Variants in EIF4G3 observed in about 807,000 individuals in gnomAD.
The protein encoded by EIF4G3 is eukaryotic translation initiation factor 4 gamma 3, also known as eIF-4-gamma 3.
In EIF4G3, 34 loss-of-function variants were observed where a neutral mutation model predicts 186.4. The ratio of observed to expected loss-of-function variants is 0.18; its 90% CI spans 0.14 to 0.24. The LOEUF (loss-of-function observed/expected upper bound fraction) is 0.24. Ranked by LOEUF, EIF4G3 falls within the 10% of genes least tolerant of loss-of-function variation. EIF4G3 has a pLI of 1.00. For missense variants in EIF4G3, 1,536 were observed against 1,948.5 expected (o/e 0.79, Z 3.99); for synonymous variants, 673 against 679.5 (o/e 0.99, Z 0.15).
rs550549420 is a variant in EIF4G3 at position 21,087,782 on chromosome 1, C to T, written c.-196+1356G>A. ...CTGAGTAGCTGGGACTACAGGCGCC[C>T]GCCACCATGTCCGGCTAATTTTTTC... is the stretch of plus-strand genomic sequence containing the variant. On this transcript the variant is annotated intron_variant, in intron 3 of 36. Transcript: ENST00000602326. 1.5e-4 allele frequency among the ~76,000 whole-genome samples: 23 copies of T among 152,216 alleles called. No individual in the cohort carries two copies. The South Asian group carries it at 2.7e-3, about 18-fold the overall frequency.
At position 21,176,812 on chromosome 1, in the gene EIF4G3, G is replaced by C; in HGVS notation, c.-546C>G. The C allele has an allele frequency of 4.3e-6, 3 of 701,866 alleles. No homozygotes were observed. Among genetic ancestry groups the C allele is most frequent in the Non-Finnish European group, 7.8e-6 (3 of 384,308 alleles). 43.5% of individuals were successfully genotyped at this position (701,866 alleles called of 1,614,324 possible). Reference sequence around the variant, plus strand: ...GCGCCCTTCTCGGTAGCGGGGCTCAGGCGATGCCGGTGGATTTTCTTCACT... The same window carrying C: ...GCGCCCTTCTCGGTAGCGGGGCTCACGCGATGCCGGTGGATTTTCTTCACT... On this transcript the variant is annotated 5_prime_UTR_variant, in exon 1 of 37. Transcript: ENST00000602326.
At chr1:21,038,008 C>A (rs984123415) in intron 4 of EIF4G3, among the ~76,000 whole-genome samples, 1 of 152,202 alleles carries the variant, frequency 6.6e-6, no homozygotes, top group Non-Finnish European at 1.5e-5. Flanking sequence ...ATGAAAACCA[C>A]TGATCAAACT....
intron 20 of EIF4G3, among the ~76,000 whole-genome samples, chr1:20,865,466 T>C (rs924014938): frequency 1.3e-5 from 2 of 152,036 alleles, no homozygotes; most frequent in African/African-American, 2.4e-5. Flanking sequence ...ATTCCTCTCA[T>C]ATAAATGTAC....
chr1:21,117,585 T>C (rs927966102), intron 2 of EIF4G3, among the ~76,000 whole-genome samples: 8 of 151,498 alleles, frequency 5.3e-5, no homozygotes, highest in African/African-American at 1.9e-4. Context: ...TGCTGCAAAG[T>C]ATGAATAATA....
chr1:21,131,468 A>T (rs2097153571), intron 2 of EIF4G3, among the ~76,000 whole-genome samples: 2 of 150,386 alleles, frequency 1.3e-5, no homozygotes, highest in African/African-American at 2.5e-5. Context: ...AAAAAAAAAA[A>T]TTCCAAACCA....
chr1:20,829,057 A>G (rs2064402607), intron 31 of EIF4G3, 90 bp downstream of exon 31: 1 of 1,409,410 alleles, frequency 7.1e-7, no homozygotes, highest in African/African-American at 1.4e-5. Flanking sequence ...TCCAAAGGCG[A>G]TAATGGGACA....
chr1:20,988,693 G>A (rs1326370220), intron 7 of EIF4G3, among the ~76,000 whole-genome samples: 1 of 152,026 alleles, frequency 6.6e-6, no homozygotes, highest in Non-Finnish European at 1.5e-5. Flanking sequence ...AGAGCTCTGA[G>A]GGAGATGTAT....
intron 3 of EIF4G3, among the ~76,000 whole-genome samples, chr1:21,053,179 A>G (rs1442157858): frequency 2.5e-3 from 272 of 107,854 alleles, no homozygotes; most frequent in South Asian, 4.2e-3. Flanking sequence ...TGTGGGGAGC[A>G]CCTCTGCCCT....
chr1:20,979,901 C>T (rs1180877089), intron 10 of EIF4G3, among the ~76,000 whole-genome samples: 1 of 152,060 alleles, frequency 6.6e-6, no homozygotes, highest in East Asian at 1.9e-4. Flanking sequence ...CAGGCACCCG[C>T]CACCATGCCC....
At chr1:20,855,477 CA>C (rs1468251262) in intron 25 of EIF4G3, among the ~76,000 whole-genome samples, 1 of 152,100 alleles carries the variant, frequency 6.6e-6, no homozygotes, top group Non-Finnish European at 1.5e-5. Context: ...GATCAACAGA[CA>C]TAAAAATTTC....
At chr1:20,907,857 T>G (rs2092516900) in intron 14 of EIF4G3, among the ~76,000 whole-genome samples, 1 of 152,218 alleles carries the variant, frequency 6.6e-6, no homozygotes, top group East Asian at 1.9e-4. Context: ...TAAACATACA[T>G]GTGCATGTGT....
At chr1:20,913,393 C>T (rs912793152) in intron 14 of EIF4G3, among the ~76,000 whole-genome samples, 10 of 151,950 alleles carry the variant, frequency 6.6e-5, no homozygotes, top group Non-Finnish European at 1.2e-4. Context: ...TTTTAATTAG[C>T]TGGGTGTGGT....
At chr1:20,884,058 AT>A (rs1251877647) in intron 19 of EIF4G3, among the ~76,000 whole-genome samples, 4 of 152,208 alleles carry the variant, frequency 2.6e-5, no homozygotes, top group Non-Finnish European at 4.4e-5. Flanking sequence ...GTCGTTCACA[AT>A]GCTGATTTAA....
intron 14 of EIF4G3, among the ~76,000 whole-genome samples, chr1:20,927,741 T>G (rs1315211739): frequency 3.3e-5 from 5 of 152,222 alleles, no homozygotes; most frequent in Non-Finnish European, 7.3e-5. Flanking sequence ...GAATCACTAC[T>G]TCCAAAACAC....
chr1:21,042,394 T>C (rs2093636306), intron 4 of EIF4G3, among the ~76,000 whole-genome samples: 1 of 152,252 alleles, frequency 6.6e-6, no homozygotes, highest in African/African-American at 2.4e-5. Flanking sequence ...TTACTATTCA[T>C]TGAGAAAATT....
intron 27 of EIF4G3, among the ~76,000 whole-genome samples, chr1:20,852,874 C>T (rs2073787290): frequency 6.6e-6 from 1 of 151,968 alleles, no homozygotes; most frequent in Non-Finnish European, 1.5e-5. Context: ...CCTAATCAAA[C>T]TTATTACAAT....
At chr1:21,060,617 T>C (rs998128247) in intron 3 of EIF4G3, among the ~76,000 whole-genome samples, 1 of 151,936 alleles carries the variant, frequency 6.6e-6, no homozygotes, top group Non-Finnish European at 1.5e-5. Context: ...AGAGATTAGT[T>C]AAAAGCTATC....
At chr1:21,051,949 G>C (rs1049726756) in intron 3 of EIF4G3, among the ~76,000 whole-genome samples, 3 of 151,954 alleles carry the variant, frequency 2.0e-5, no homozygotes, top group African/African-American at 4.8e-5. Context: ...TACATTATTT[G>C]TTTACGTATG....
chr1:20,960,401 G>C (rs566396596), intron 12 of EIF4G3, among the ~76,000 whole-genome samples: 1 of 151,906 alleles, frequency 6.6e-6, no homozygotes. Context: ...AGGAGGCGGA[G>C]GTTGCAGTGA....
Sources: allele counts gnomAD v4.1 joint callset (sites outside exome capture counted in the v4.1 genomes callset), GRCh38; gene constraint gnomAD v4.1.1; transcripts MANE v1.5; gene names NCBI Gene and HGNC (gene_info 2026-07-23, HGNC 2026-07-21).